SOS1: variants seen among roughly 807,000 people sequenced by gnomAD.
SOS1 encodes son of sevenless homolog 1.
Under a neutral mutation model 157.6 loss-of-function variants are expected in SOS1, and 25 were observed. The observed-to-expected ratio is 0.16, with a 90% CI of 0.12 to 0.22. The LOEUF (loss-of-function observed/expected upper bound fraction) is 0.22. Ranked by LOEUF, SOS1 falls within the 10% of genes least tolerant of loss-of-function variation. SOS1 has a pLI of 1.00. For missense variants in SOS1, 1,237 were observed against 1,599.1 expected (o/e 0.77, Z 3.86); for synonymous variants, 528 against 534.0 (o/e 0.99, Z 0.16).
intron 6 of SOS1, among the ~76,000 whole-genome samples, chr2:39,047,252 T>C (rs1263902925): frequency 6.6e-6 from 1 of 152,242 alleles, no homozygotes; most frequent in Non-Finnish European, 1.5e-5. Context: ...TTCTTTTTTA[T>C]TGCCAGATAG....
intron 1 of SOS1, among the ~76,000 whole-genome samples, chr2:39,068,600 G>GT (rs1176974038): frequency 6.6e-6 from 1 of 152,066 alleles, no homozygotes; most frequent in Non-Finnish European, 1.5e-5. Flanking sequence ...AAGTCACCCT[G>GT]TATCAAAGGA....
At chr2:39,019,467 AGAT>A (rs1229852830) in intron 10 of SOS1, among the ~76,000 whole-genome samples, 1 of 151,788 alleles carries the variant, frequency 6.6e-6, no homozygotes, top group African/African-American at 2.4e-5. Flanking sequence ...TACCATTGCC[AGAT>A]TTAGAATGAT....
Position 38,995,386 on chromosome 2 carries a change from G to A in SOS1, c.3083C>T (p.Pro1028Leu). 1 of 1,612,444 alleles carries A rather than the reference G, an allele frequency of 6.2e-7. No individual in the cohort carries two copies. Among genetic ancestry groups the A allele is most frequent in the Non-Finnish European group, 8.5e-7 (1 of 1,178,824 alleles). ...TTTTAGGGGATAGCTATATTTTTTT[G>A]GCTGTAGACATATCAAAAGAAACAC... ...PRNPKPLPRFPKKYSYPLKSP... is the reference protein window; with the variant it reads ...PRNPKPLPRFLKKYSYPLKSP... Residue 1028 changes from proline (P) to leucine (L), a missense_variant and splice_region_variant, in exon 20 of 23, where the codon CCA (proline) becomes CTA (leucine). Pro to Leu is a moderately conservative substitution (Grantham distance 98). Around this residue, in one of 15 missense-constraint regions of SOS1, gnomAD observed 43 missense variants for 83.0 expected, o/e 0.52. Transcript: ENST00000402219.
intron 1 of SOS1, among the ~76,000 whole-genome samples, chr2:39,119,647 G>C (rs1673789448): frequency 6.6e-6 from 1 of 152,224 alleles, no homozygotes; most frequent in African/African-American, 2.4e-5. Context: ...TAAAAGCACA[G>C]ATCGGGGGTA....
intron 1 of SOS1, among the ~76,000 whole-genome samples, chr2:39,109,532 G>A (rs1673333235): frequency 6.6e-6 from 1 of 152,158 alleles, no homozygotes; most frequent in Admixed American, 6.5e-5. Context: ...TCCTTAAAAA[G>A]CTAAGGTTCA....
At chr2:38,994,465 A>G (rs1224738547) in intron 20 of SOS1, among the ~76,000 whole-genome samples, 1 of 152,206 alleles carries the variant, frequency 6.6e-6, no homozygotes, top group Non-Finnish European at 1.5e-5. Context: ...AATCTGATAC[A>G]TTGCAAAATT....
intron 15 of SOS1, among the ~76,000 whole-genome samples, chr2:39,009,614 A>C (rs1431809283): frequency 6.6e-6 from 1 of 152,246 alleles, no homozygotes; most frequent in Non-Finnish European, 1.5e-5. Flanking sequence ...ATACACAAAG[A>C]AGGTGGGTGA....
chr2:39,067,603 A>G (rs1480390498), intron 2 of SOS1, 25 bp downstream of exon 2: 1 of 1,606,196 alleles, frequency 6.2e-7, no homozygotes, highest in East Asian at 2.2e-5. Context: ...GATATAAAGT[A>G]AATACAAGAC....
At chr2:39,095,753 G>A (rs892731676) in intron 1 of SOS1, among the ~76,000 whole-genome samples, 3 of 152,226 alleles carry the variant, frequency 2.0e-5, no homozygotes, top group African/African-American at 4.8e-5. Flanking sequence ...AAAGAGGACA[G>A]AGAGGAATCA....
chr2:39,121,122 C>A (rs1266542550), upstream of SOS1: 5 of 153,702 alleles, frequency 3.3e-5, no homozygotes, highest in East Asian at 3.8e-4. Flanking sequence ...GAGGAAAGCT[C>A]GAGAGAGAAA....
intron 1 of SOS1, among the ~76,000 whole-genome samples, chr2:39,091,771 A>G (rs1342133876): frequency 2.0e-5 from 3 of 152,160 alleles, no homozygotes; most frequent in Non-Finnish European, 4.4e-5. Context: ...TACGGCCAGG[A>G]CTAAATCCCT....
In SOS1 at chr2:39,056,668, CTT is replaced by C. The variant is rs764154666; in HGVS notation, c.510+32_510+33del. 2.1e-5 allele frequency: 30 copies of C among 1,439,554 alleles called. No homozygotes were observed. The African/African-American group carries it at 2.5e-4, about 12-fold the overall frequency. 89.2% of individuals were successfully genotyped at this position (1,439,554 alleles called of 1,614,324 possible). ...GCATCTAATAAGTCATAAAAAGAAA[CTT>C]AAGAAAAAAATAGAAAAGCTCAGTT... On this transcript the variant is annotated intron_variant, in intron 4 of 22. Coordinates refer to ENST00000402219, the MANE Select transcript of SOS1 (RefSeq NM_005633.4).
intron 3 of SOS1, among the ~76,000 whole-genome samples, chr2:39,058,167 C>G (rs966948429): frequency 6.6e-6 from 1 of 151,912 alleles, no homozygotes; most frequent in Non-Finnish European, 1.5e-5. Context: ...TTCGAGCTTC[C>G]GGCAGTTATT....
chr2:39,083,043 G>C (rs1345084648), intron 1 of SOS1, among the ~76,000 whole-genome samples: 1 of 152,154 alleles, frequency 6.6e-6, no homozygotes, highest in Non-Finnish European at 1.5e-5. Flanking sequence ...AGCAGACGTA[G>C]ATAAAATTGG....
rs568228332 is a variant in SOS1, at chr2:38,981,751, C to T, written c.*4073G>A. ...CTTTGTTCTTACATCAAAGACCGACCGACAGAGCAATTTTTTGACAATTAT... is the reference window on the plus strand; with the variant it reads ...CTTTGTTCTTACATCAAAGACCGACTGACAGAGCAATTTTTTGACAATTAT... On this transcript the variant is annotated 3_prime_UTR_variant, in exon 23 of 23. Transcript: ENST00000402219. The T allele has an allele frequency of 6.6e-6, 1 of 151,988 alleles. No homozygotes were observed. Among genetic ancestry groups the T allele is most frequent in the Non-Finnish European group, 1.5e-5 (1 of 67,950 alleles). 9.4% of individuals were successfully genotyped at this position (151,988 alleles called of 1,614,324 possible). A position where few individuals can be genotyped will look rare whatever the true frequency, so the allele number is the denominator to read the frequency against.
chr2:39,007,242 AAGTT>A, intron 15 of SOS1, 49 bp from the exon 16 acceptor site: 1 of 1,161,550 alleles, frequency 8.6e-7, no homozygotes, highest in Non-Finnish European at 1.3e-6. Context: ...TTTTCCAATA[AAGTT>A]ATAGCTTAAA....
intron 8 of SOS1, among the ~76,000 whole-genome samples, chr2:39,024,946 TGTCAGA>T (rs1027208584): frequency 1.0e-4 from 1 of 9,650 alleles, no homozygotes; most frequent in Non-Finnish European, 2.4e-3. Flanking sequence ...CAAATATCTG[TGTCAGA>T]CAGAACGTCT....
In SOS1 at chr2:38,984,908, T is replaced by C. The variant is rs990341037; in HGVS notation, c.*916A>G. ...TGCCCAGCAAGTGCTCCTTTTCACATTGGGTGCCTGCATTTCCATGGTATG... is the reference window on the plus strand; with the variant it reads ...TGCCCAGCAAGTGCTCCTTTTCACACTGGGTGCCTGCATTTCCATGGTATG... On this transcript the variant is annotated 3_prime_UTR_variant, in exon 23 of 23. Transcript: ENST00000402219. 2.0e-5 allele frequency: 3 copies of C among 152,152 alleles called. No homozygotes were observed. The highest frequency in any genetic ancestry group is 6.6e-5 in the Admixed American group (1 of 15,258). The allele number at this position is 152,152 out of a possible 1,614,324, so 9.4% of individuals were successfully genotyped here.
At chr2:39,086,663 A>G (rs1017305867) in intron 1 of SOS1, among the ~76,000 whole-genome samples, 11 of 152,194 alleles carry the variant, frequency 7.2e-5, no homozygotes, top group African/African-American at 2.7e-4. Context: ...AATTAGTGTA[A>G]AACAGGAACA....
Sources: allele counts gnomAD v4.1 joint callset (sites outside exome capture counted in the v4.1 genomes callset), GRCh38; gene constraint gnomAD v4.1.1; regional missense constraint gnomAD v4.1.1; transcripts MANE v1.5; gene names NCBI Gene and HGNC (gene_info 2026-07-23, HGNC 2026-07-21).